FAM107B: variants seen among roughly 807,000 people sequenced by gnomAD.
FAM107B encodes protein FAM107B.
A neutral mutation model predicts 31.5 loss-of-function variants in FAM107B; 21 were observed. The ratio of observed to expected loss-of-function variants is 0.67; its 90% CI spans 0.47 to 0.96. The LOEUF is 0.96. Among genes scored for constraint, FAM107B ranks in the 40% least tolerant of loss-of-function variants. The probability of loss-of-function intolerance (pLI) is 0.00; values close to 1 mark genes in which losing one functional copy is unlikely to be tolerated. For synonymous variants in FAM107B, 157 were observed against 141.5 expected (o/e 1.11, Z -0.78); for missense variants, 452 against 377.1 (o/e 1.20, Z -1.64).
chr10:14,759,214 AAATAAAT>A (rs1832992798), intron 1 of FAM107B, among the ~76,000 whole-genome samples: 1 of 151,856 alleles, frequency 6.6e-6, no homozygotes, highest in East Asian at 1.9e-4. Context: ...ATAAATAAAT[AAATAAAT>A]AAAAAGCAGC....
intron 2 of FAM107B, among the ~76,000 whole-genome samples, chr10:14,645,123 A>T (rs1358438327): frequency 6.6e-6 from 1 of 152,174 alleles, no homozygotes; most frequent in Admixed American, 6.5e-5. Context: ...AGGGAGAGGA[A>T]ACTATGCCTG....
At chr10:14,717,828 A>T (rs1213531371) in intron 1 of FAM107B, among the ~76,000 whole-genome samples, 1 of 152,112 alleles carries the variant, frequency 6.6e-6, no homozygotes, top group Admixed American at 6.5e-5. Flanking sequence ...CCTAATATTA[A>T]CCACCACACC....
intron 1 of FAM107B, among the ~76,000 whole-genome samples, chr10:14,669,907 A>T (rs1854501711): frequency 6.6e-6 from 1 of 152,236 alleles, no homozygotes; most frequent in Non-Finnish European, 1.5e-5. Context: ...TGCATATTTC[A>T]AAGTAGCTAG....
intron 3 of FAM107B, among the ~76,000 whole-genome samples, chr10:14,529,165 A>G (rs1342227228): frequency 6.6e-5 from 10 of 152,240 alleles, no homozygotes; most frequent in Admixed American, 6.5e-4. Flanking sequence ...GGTCTATTTT[A>G]GGAACTTGAT....
chr10:14,671,164 A>T (rs1028610809), intron 1 of FAM107B, among the ~76,000 whole-genome samples: 1 of 152,166 alleles, frequency 6.6e-6, no homozygotes, highest in Non-Finnish European at 1.5e-5. Flanking sequence ...GGGGTGCAAC[A>T]TATGACCCAG....
intron 1 of FAM107B, among the ~76,000 whole-genome samples, chr10:14,716,978 T>C (rs1162110717): frequency 3.3e-5 from 5 of 152,040 alleles, no homozygotes; most frequent in African/African-American, 1.2e-4. Flanking sequence ...TAATCCCAGC[T>C]ACTCGGGAGG....
intron 1 of FAM107B, among the ~76,000 whole-genome samples, chr10:14,700,827 CAAAA>C (rs1159035034): frequency 0.29 from 21,833 of 75,382 alleles, 2,704 homozygotes; most frequent in African/African-American, 0.4. Context: ...TGGCAAGAGG[CAAAA>C]AAAAAAAAAA....
chr10:14,533,561 T>A (rs997169443), intron 2 of FAM107B, among the ~76,000 whole-genome samples: 9 of 152,222 alleles, frequency 5.9e-5, no homozygotes, highest in Admixed American at 4.6e-4. Context: ...CCTGACTGAC[T>A]GGCCCTCTGC....
intron 1 of FAM107B, among the ~76,000 whole-genome samples, chr10:14,750,078 C>T (rs1402912597): frequency 1.3e-5 from 2 of 152,154 alleles, no homozygotes; most frequent in Non-Finnish European, 2.9e-5. Context: ...GAAAAAATCA[C>T]CCTGGGCCAG....
intron 2 of FAM107B, among the ~76,000 whole-genome samples, chr10:14,575,088 C>A (rs1044326882): frequency 7.9e-5 from 12 of 152,146 alleles, no homozygotes; most frequent in African/African-American, 2.9e-4. Context: ...ATAATAAGCA[C>A]TAAAGGGGTT....
intron 2 of FAM107B, among the ~76,000 whole-genome samples, chr10:14,622,439 T>A (rs1853037620): frequency 6.6e-6 from 1 of 151,980 alleles, no homozygotes; most frequent in African/African-American, 2.4e-5. Flanking sequence ...CCCGAGTAGC[T>A]GGGACTACAG....
intron 2 of FAM107B, among the ~76,000 whole-genome samples, chr10:14,630,404 A>G (rs1853323963): frequency 6.6e-6 from 1 of 152,036 alleles, no homozygotes; most frequent in Non-Finnish European, 1.5e-5. Context: ...AAGAATCCCA[A>G]CAAACAAGAA....
intron 2 of FAM107B, among the ~76,000 whole-genome samples, chr10:14,551,423 G>C (rs1849251744): frequency 6.6e-6 from 1 of 152,148 alleles, no homozygotes; most frequent in African/African-American, 2.4e-5. Context: ...GGGATTACAG[G>C]TGTGCGCCAC....
intron 1 of FAM107B, among the ~76,000 whole-genome samples, chr10:14,673,259 C>T (rs1056760843): frequency 2.0e-5 from 3 of 152,128 alleles, no homozygotes; most frequent in Non-Finnish European, 2.9e-5. Context: ...TAATTTTGTA[C>T]TCATTAACCA....
chr10:14,621,160 C>G (rs1011851370), intron 2 of FAM107B, among the ~76,000 whole-genome samples: 1 of 151,906 alleles, frequency 6.6e-6, no homozygotes, highest in Non-Finnish European at 1.5e-5. Context: ...TTCTTAGGTT[C>G]TCTGTTTTTT....
chr10:14,564,582 A>G (rs1441625065), intron 2 of FAM107B, among the ~76,000 whole-genome samples: 1 of 152,052 alleles, frequency 6.6e-6, no homozygotes, highest in Admixed American at 6.6e-5. Context: ...AGATGACAGT[A>G]TCTGAAATAC....
chr10:14,723,172 G>A, intron 1 of FAM107B: 1 of 510,390 alleles, frequency 2.0e-6, no homozygotes, highest in Non-Finnish European at 3.9e-6. Flanking sequence ...AACAGCTTAA[G>A]ACCATTCAGT....
At chr10:14,663,036 T>C (rs573632945) in intron 2 of FAM107B, among the ~76,000 whole-genome samples, 108 of 152,226 alleles carry the variant, frequency 7.1e-4, no homozygotes, top group Non-Finnish European at 1.3e-3. Context: ...GTCTTCATCT[T>C]TCCCCCATGC....
At chr10:14,606,149 A>AG (rs1352597236) in intron 2 of FAM107B, among the ~76,000 whole-genome samples, 5 of 152,142 alleles carry the variant, frequency 3.3e-5, no homozygotes, top group Non-Finnish European at 5.9e-5. Context: ...ACTCAGCCAG[A>AG]GTGCCGTATT....
Sources: gnomAD v4.1 joint callset for allele counts (sites outside exome capture counted in the v4.1 genomes callset) on GRCh38, gnomAD v4.1.1 for gene constraint, MANE v1.5 for transcripts, NCBI Gene and HGNC (gene_info 2026-07-23, HGNC 2026-07-21) for gene names.